CDH13: variants seen among roughly 807,000 people sequenced by gnomAD.
CDH13 encodes cadherin 13.
A neutral mutation model predicts 63.8 loss-of-function variants in CDH13; 24 were observed. The ratio of observed to expected loss-of-function variants is 0.38; its 90% CI spans 0.27 to 0.53. CDH13 has a LOEUF of 0.53. Among genes scored for constraint, CDH13 ranks in the 20% least tolerant of loss-of-function variants. The pLI is 0.85. For synonymous variants in CDH13, 503 were observed against 355.3 expected, an observed-to-expected ratio of 1.42 and a Z score of -4.67; for missense variants, 1,049 against 903.1, an observed-to-expected ratio of 1.16 and a Z score of -2.07.
intron 4 of CDH13, among the ~76,000 whole-genome samples, chr16:83,187,002 G>A (rs954313667): frequency 6.6e-5 from 10 of 151,688 alleles, no homozygotes; most frequent in East Asian, 3.9e-4. Flanking sequence ...ACGGAGTCTC[G>A]CTCTGTCACC....
intron 3 of CDH13, among the ~76,000 whole-genome samples, chr16:83,092,453 C>T (rs1173369840): frequency 6.6e-6 from 1 of 152,218 alleles, no homozygotes; most frequent in African/African-American, 2.4e-5. Flanking sequence ...CCATCCTCAC[C>T]TTCATCTGGA....
chr16:83,057,049 C>T (rs955564972), intron 3 of CDH13, among the ~76,000 whole-genome samples: 8 of 152,184 alleles, frequency 5.3e-5, no homozygotes, highest in Non-Finnish European at 1.0e-4. Context: ...TCACTGCAAC[C>T]TCTGACTCCC....
At chr16:83,421,531 G>A (rs186552587) in intron 6 of CDH13, among the ~76,000 whole-genome samples, 2 of 152,280 alleles carry the variant, frequency 1.3e-5, no homozygotes, top group Non-Finnish European at 1.5e-5. Context: ...TCAAGATCAT[G>A]TTGAAATGAA....
chr16:83,234,855 C>T (rs780950448), intron 5 of CDH13, among the ~76,000 whole-genome samples: 5 of 152,006 alleles, frequency 3.3e-5, no homozygotes, highest in African/African-American at 7.2e-5. Context: ...AATGACAAAC[C>T]CACGTCCTCC....
intron 1 of CDH13, among the ~76,000 whole-genome samples, chr16:82,636,226 AAG>A (rs1231489410): frequency 6.6e-6 from 1 of 152,136 alleles, no homozygotes; most frequent in Non-Finnish European, 1.5e-5. Flanking sequence ...AATTGGCAGG[AAG>A]AGTCAAACAA....
chr16:83,769,373 TAACTGAGG>T (rs944770256), intron 11 of CDH13, among the ~76,000 whole-genome samples: 2 of 152,200 alleles, frequency 1.3e-5, no homozygotes, highest in Non-Finnish European at 2.9e-5. Context: ...AGTGCTACTG[TAACTGAGG>T]AACTGGTTAG....
intron 5 of CDH13, among the ~76,000 whole-genome samples, chr16:83,338,102 G>C (rs750296746): frequency 7.4e-5 from 11 of 147,884 alleles, no homozygotes; most frequent in East Asian, 2.0e-4. Context: ...TATTTGTTCA[G>C]ATTGTTTTAA....
At chr16:83,069,702 A>G (rs1471414554) in intron 3 of CDH13, among the ~76,000 whole-genome samples, 1 of 151,864 alleles carries the variant, frequency 6.6e-6, no homozygotes. Flanking sequence ...GGCCATCCTC[A>G]CCCTGATTGG....
At chr16:82,750,339 A>G (rs2034358591) in intron 1 of CDH13, among the ~76,000 whole-genome samples, 1 of 152,162 alleles carries the variant, frequency 6.6e-6, no homozygotes, top group Non-Finnish European at 1.5e-5. Flanking sequence ...TGTTTTTGGA[A>G]AGTCAACCTC....
intron 2 of CDH13, among the ~76,000 whole-genome samples, chr16:82,880,151 G>A (rs2040650477): frequency 6.6e-6 from 1 of 151,938 alleles, no homozygotes. Flanking sequence ...CTACTGATCA[G>A]TGTATATTTC....
intron 1 of CDH13, among the ~76,000 whole-genome samples, chr16:82,810,411 C>T (rs1262469237): frequency 6.6e-6 from 1 of 152,124 alleles, no homozygotes; most frequent in African/African-American, 2.4e-5. Flanking sequence ...GGACAGTTTC[C>T]TCTAATCCTT....
At chr16:82,717,619 C>G (rs74028584) in intron 1 of CDH13, among the ~76,000 whole-genome samples, 1,755 of 152,278 alleles carry the variant, frequency 0.012, 30 homozygotes, top group African/African-American at 0.04. Context: ...AGTCTAGTCC[C>G]TGGCTCCGTG....
chr16:83,569,645 C>A (rs972796497), intron 7 of CDH13, among the ~76,000 whole-genome samples: 2 of 152,210 alleles, frequency 1.3e-5, no homozygotes, highest in African/African-American at 4.8e-5. Context: ...TCTGTCCTCT[C>A]TTCACAAAGA....
intron 8 of CDH13, among the ~76,000 whole-genome samples, chr16:83,646,934 C>A (rs2150812688): frequency 6.6e-6 from 1 of 152,150 alleles, no homozygotes; most frequent in South Asian, 2.1e-4. Context: ...CACATCACAG[C>A]ATCATTTACG....
At chr16:83,083,712 T>C (rs2033407925) in intron 3 of CDH13, among the ~76,000 whole-genome samples, 1 of 152,216 alleles carries the variant, frequency 6.6e-6, no homozygotes, top group South Asian at 2.1e-4. Context: ...CCTCTAGCTA[T>C]AAATGGATGA....
At chr16:83,275,028 A>T (rs1452648446) in intron 5 of CDH13, among the ~76,000 whole-genome samples, 4 of 152,158 alleles carry the variant, frequency 2.6e-5, no homozygotes, top group African/African-American at 4.8e-5. Context: ...CTTTATTTTT[A>T]TCCAGAGAAC....
chr16:83,438,956 C>G (rs1342017892), intron 6 of CDH13, among the ~76,000 whole-genome samples: 2 of 152,072 alleles, frequency 1.3e-5, no homozygotes, highest in African/African-American at 4.8e-5. Flanking sequence ...CATGCATATC[C>G]TCATCACTAG....
intron 1 of CDH13, among the ~76,000 whole-genome samples, chr16:82,819,091 TGA>T (rs2037870478): frequency 1.3e-5 from 2 of 152,312 alleles, no homozygotes; most frequent in African/African-American, 4.8e-5. Flanking sequence ...TTGAGTTTTA[TGA>T]GAGAGAGAAA....
rs374650824 is a variant in CDH13, at chr16:83,507,298, G to C, written c.960+20643G>C. On this transcript the variant is annotated intron_variant, in intron 7 of 13. Transcript: ENST00000567109. ...TAGGCTTCTTGAGAAAGTTTGTAAT[G>C]TATGCATTCTTCAAAGAGGTATTGT... is the stretch of plus-strand genomic sequence containing the variant. Among the ~76,000 whole-genome samples, 171 of 152,310 alleles carry C rather than the reference G, an allele frequency of 1.1e-3. 8 individuals are homozygous for C. The South Asian group carries it at 0.034, about 31-fold the overall frequency.
Sources: gnomAD v4.1 joint callset for allele counts (sites outside exome capture counted in the v4.1 genomes callset) on GRCh38, gnomAD v4.1.1 for gene constraint, MANE v1.5 for transcripts, NCBI Gene and HGNC (gene_info 2026-07-23, HGNC 2026-07-21) for gene names.